ELAVL2: variants seen among roughly 807,000 people sequenced by gnomAD.
ELAVL2 encodes ELAV-like protein 2.
In ELAVL2, 4 loss-of-function variants were observed where a neutral mutation model predicts 34.6. The observed-to-expected ratio is 0.12, with a 90% confidence interval of 0.06 to 0.26. ELAVL2 has a LOEUF of 0.26. Among genes scored for constraint, ELAVL2 ranks in the 10% least tolerant of loss-of-function variants. The pLI is 1.00. For synonymous variants in ELAVL2, 193 were observed against 154.8 expected, an observed-to-expected ratio of 1.25 and a Z score of -1.83; for missense variants, 432 against 442.8, an observed-to-expected ratio of 0.98 and a Z score of 0.22.
intron 3 of ELAVL2, among the ~76,000 whole-genome samples, chr9:23,710,542 GTC>G (rs1379266399): frequency 1.3e-5 from 2 of 152,102 alleles, no homozygotes; most frequent in Admixed American, 6.5e-5. Flanking sequence ...CATTTGAGAA[GTC>G]ACCCACTGCT....
intron 2 of ELAVL2, among the ~76,000 whole-genome samples, chr9:23,750,189 C>T (rs953165925): frequency 3.9e-5 from 6 of 151,930 alleles, no homozygotes; most frequent in African/African-American, 1.5e-4. Flanking sequence ...GAAACTAACC[C>T]CAGAAGATTC....
At chr9:23,756,557 TAAAC>T (rs372415945) in intron 2 of ELAVL2, among the ~76,000 whole-genome samples, 4 of 151,912 alleles carry the variant, frequency 2.6e-5, no homozygotes, top group African/African-American at 7.3e-5. Flanking sequence ...TAATTACACT[TAAAC>T]ACACACACAC....
chr9:23,729,977 C>T (rs918010908), intron 3 of ELAVL2, among the ~76,000 whole-genome samples: 5 of 152,066 alleles, frequency 3.3e-5, no homozygotes, highest in African/African-American at 1.2e-4. Flanking sequence ...AGGCTATAGT[C>T]TGAGCTGGTT....
chr9:23,719,911 C>T (rs973662638), intron 3 of ELAVL2, among the ~76,000 whole-genome samples: 2 of 150,930 alleles, frequency 1.3e-5, no homozygotes, highest in South Asian at 2.1e-4. Flanking sequence ...CTGCAACTTC[C>T]GCCTCCCGGG....
At chr9:23,793,190 A>T (rs560515269) in intron 1 of ELAVL2, among the ~76,000 whole-genome samples, 1 of 152,132 alleles carries the variant, frequency 6.6e-6, no homozygotes, top group Admixed American at 6.5e-5. Flanking sequence ...TTACACAATC[A>T]CAAGGGGCTT....
At chr9:23,723,511 AT>A (rs955256573) in intron 3 of ELAVL2, among the ~76,000 whole-genome samples, 1 of 152,036 alleles carries the variant, frequency 6.6e-6, no homozygotes, top group African/African-American at 2.4e-5. Flanking sequence ...ACATGTATAC[AT>A]ATGTAACTGA....
At chr9:23,751,740 A>T (rs2052098759) in intron 2 of ELAVL2, among the ~76,000 whole-genome samples, 2 of 152,190 alleles carry the variant, frequency 1.3e-5, no homozygotes, top group Admixed American at 1.3e-4. Context: ...TGACCTTCGA[A>T]AGCCCAGTAA....
chr9:23,828,924 T>C (rs566553420), upstream of ELAVL2, among the ~76,000 whole-genome samples: 4 of 152,344 alleles, frequency 2.6e-5, no homozygotes, highest in African/African-American at 9.6e-5. Flanking sequence ...GTCTCATAGC[T>C]TGAAACATTA....
chr9:23,809,079 A>G (rs1456573994), intron 1 of ELAVL2, among the ~76,000 whole-genome samples: 1 of 152,194 alleles, frequency 6.6e-6, no homozygotes, highest in Non-Finnish European at 1.5e-5. Flanking sequence ...ACCCTCAACA[A>G]TTAACTTCTG....
In ELAVL2 at chr9:23,706,388, C is replaced by T. The variant is rs114526075; in HGVS notation, c.334-1317G>A. On this transcript the variant is annotated intron_variant, in intron 3 of 6. Transcript: ENST00000397312. ...AACACATTTGGTGAGTAAAGCCCAT[C>T]CAATAATACCCCATTGATCATGCAG... 1.3e-3 allele frequency among the ~76,000 whole-genome samples: 195 copies of T among 152,242 alleles called. 1 individual carries two copies. Among genetic ancestry groups the T allele is most frequent in the African/African-American group, 4.4e-3 (182 of 41,536 alleles).
At chr9:23,785,116 C>T (rs2059527127) in intron 1 of ELAVL2, among the ~76,000 whole-genome samples, 1 of 152,120 alleles carries the variant, frequency 6.6e-6, no homozygotes, top group African/African-American at 2.4e-5. Flanking sequence ...CCTATTATTC[C>T]CCTCCCACAA....
At chr9:23,797,496 G>A (rs1013491043) in intron 1 of ELAVL2, among the ~76,000 whole-genome samples, 2 of 152,194 alleles carry the variant, frequency 1.3e-5, no homozygotes, top group Non-Finnish European at 2.9e-5. Flanking sequence ...ATTTAAAACA[G>A]AAAGGGTGCT....
At chr9:23,741,820 T>C (rs751107771) in intron 2 of ELAVL2, among the ~76,000 whole-genome samples, 3 of 152,200 alleles carry the variant, frequency 2.0e-5, no homozygotes, top group Non-Finnish European at 4.4e-5. Context: ...AAATTGAAGA[T>C]GGTACTTTAG....
chr9:23,710,344 G>A (rs72693533), intron 3 of ELAVL2, among the ~76,000 whole-genome samples: 4,296 of 152,192 alleles, frequency 0.028, 87 homozygotes, highest in Non-Finnish European at 0.043. Flanking sequence ...AATGTACATA[G>A]CAATGTTTAA....
At chr9:23,714,655 T>C (rs1353341344) in intron 3 of ELAVL2, among the ~76,000 whole-genome samples, 1 of 152,194 alleles carries the variant, frequency 6.6e-6, no homozygotes. Flanking sequence ...AAATGAGCGA[T>C]TCTTTTGGAT....
At chr9:23,714,670 A>G (rs1295416371) in intron 3 of ELAVL2, among the ~76,000 whole-genome samples, 1 of 152,216 alleles carries the variant, frequency 6.6e-6, no homozygotes, top group East Asian at 1.9e-4. Flanking sequence ...TTGGATAGAC[A>G]GTAGTAGAAA....
At chr9:23,812,540 A>G (rs1385969549) in intron 1 of ELAVL2, among the ~76,000 whole-genome samples, 2 of 152,104 alleles carry the variant, frequency 1.3e-5, no homozygotes, top group African/African-American at 4.8e-5. Context: ...TGCCGCAATG[A>G]GATGCTGCAG....
intron 2 of ELAVL2, among the ~76,000 whole-genome samples, chr9:23,741,463 A>G (rs1040614176): frequency 3.9e-5 from 6 of 152,170 alleles, no homozygotes; most frequent in African/African-American, 1.2e-4. Flanking sequence ...TAGGGACCTC[A>G]GTGTTAGAAA....
chr9:23,778,848 T>G, intron 1 of ELAVL2, among the ~76,000 whole-genome samples: 1 of 152,192 alleles, frequency 6.6e-6, no homozygotes, highest in East Asian at 1.9e-4. Context: ...GCCACAGACA[T>G]TCAAAGCACT....
Sources: allele counts gnomAD v4.1 joint callset (sites outside exome capture counted in the v4.1 genomes callset), GRCh38; gene constraint gnomAD v4.1.1; transcripts MANE v1.5; gene names NCBI Gene and HGNC (gene_info 2026-07-23, HGNC 2026-07-21).